SCOC: variants seen among roughly 807,000 people sequenced by gnomAD.
The protein encoded by SCOC is short coiled-coil protein, also known as short coiled coil protein.
SCOC carries 7 observed loss-of-function variants against 9.9 expected under a neutral mutation model. The ratio of observed to expected loss-of-function variants is 0.71; its 90% CI spans 0.40 to 1.33. SCOC has a LOEUF of 1.33. SCOC is among the 40% of genes most tolerant of loss of function. SCOC has a pLI of 0.01. For synonymous variants in SCOC, 19 were observed against 28.2 expected (o/e 0.67, Z 1.03); for missense variants, 66 against 89.7 (o/e 0.74, Z 1.07).
chr4:140,359,288 G>A (rs1727362945), intron 2 of SCOC, among the ~76,000 whole-genome samples: 1 of 152,086 alleles, frequency 6.6e-6, no homozygotes, highest in Admixed American at 6.5e-5. Context: ...GTGGAAGCTG[G>A]CTGCTGGCTG....
intron 2 of SCOC, among the ~76,000 whole-genome samples, chr4:140,356,803 T>C (rs879802141): frequency 6.6e-6 from 1 of 152,184 alleles, no homozygotes; most frequent in Non-Finnish European, 1.5e-5. Context: ...TAGAGGGAGA[T>C]ATTTTGAGAC....
At chr4:140,343,431 G>T (rs1164605269), upstream of SCOC, 2 of 484,054 alleles carry the variant, frequency 4.1e-6, no homozygotes, top group Non-Finnish European at 7.6e-6. Context: ...TCATTAACTT[G>T]GGTCTCCTAC....
chr4:140,369,857 A>ATTTT (rs540817613), upstream of SCOC, among the ~76,000 whole-genome samples: 1 of 31,376 alleles, frequency 3.2e-5, no homozygotes, highest in African/African-American at 8.9e-5. Flanking sequence ...CAGAAGGGGG[A>ATTTT]TTTTTTTTTT....
At chr4:140,307,412 A>AAGAATC (rs1180213133) in intron 1 of SCOC, among the ~76,000 whole-genome samples, 2 of 152,192 alleles carry the variant, frequency 1.3e-5, no homozygotes, top group Non-Finnish European at 2.9e-5. Flanking sequence ...TAGCTCAGTG[A>AAGAATC]AGAATCAGCA....
At chr4:140,309,606 T>C (rs1341643696) in intron 1 of SCOC, among the ~76,000 whole-genome samples, 1 of 152,206 alleles carries the variant, frequency 6.6e-6, no homozygotes, top group African/African-American at 2.4e-5. Context: ...AAGATTCAAA[T>C]AGATATATCC....
chr4:140,332,267 A>C (rs1183537075), intron 1 of SCOC, among the ~76,000 whole-genome samples: 1 of 149,944 alleles, frequency 6.7e-6, no homozygotes, highest in Non-Finnish European at 1.5e-5. Context: ...TCAAACTCTT[A>C]AGTTTCTCCT....
chr4:140,287,821 C>T (rs559038580), intron 1 of SCOC, among the ~76,000 whole-genome samples: 137 of 152,170 alleles, frequency 9.0e-4, no homozygotes, highest in African/African-American at 3.1e-3. Context: ...ATACCACACA[C>T]ATAGACACAC....
At chr4:140,308,879 CT>C (rs886830867) in intron 1 of SCOC, among the ~76,000 whole-genome samples, 56 of 152,224 alleles carry the variant, frequency 3.7e-4, no homozygotes, top group Non-Finnish European at 7.6e-4. Context: ...GAGATGCCCT[CT>C]TTTTTCCCCC....
chr4:140,271,452 C>G (rs1730843231), intron 1 of SCOC, among the ~76,000 whole-genome samples: 1 of 152,174 alleles, frequency 6.6e-6, no homozygotes, highest in Admixed American at 6.5e-5. Context: ...GAGCTAAATG[C>G]ATCAGAAGCA....
At chr4:140,348,614 G>A (rs1726845919) in intron 2 of SCOC, among the ~76,000 whole-genome samples, 1 of 151,318 alleles carries the variant, frequency 6.6e-6, no homozygotes, top group African/African-American at 2.4e-5. Context: ...TTATTCATCT[G>A]TCGACAGACA....
intron 1 of SCOC, among the ~76,000 whole-genome samples, chr4:140,299,869 C>CGGG (rs1731762711): frequency 6.6e-6 from 1 of 152,172 alleles, no homozygotes; most frequent in Non-Finnish European, 1.5e-5. Context: ...CTTCACAGTC[C>CGGG]TTTGTTCTCC....
upstream of SCOC, among the ~76,000 whole-genome samples, chr4:140,369,898 G>A (rs1312736007): frequency 1.9e-5 from 1 of 53,596 alleles, no homozygotes; most frequent in African/African-American, 6.9e-5. Context: ...TTTTTTTTTA[G>A]ATGGAGTTTC....
At chr4:140,285,533 G>A (rs1731241569) in intron 1 of SCOC, among the ~76,000 whole-genome samples, 1 of 152,192 alleles carries the variant, frequency 6.6e-6, no homozygotes, top group Non-Finnish European at 1.5e-5. Flanking sequence ...GGATGGGGTG[G>A]TAAAAAGCTA....
upstream of SCOC, among the ~76,000 whole-genome samples, chr4:140,369,939 C>T (rs1188850050): frequency 1.5e-5 from 2 of 131,994 alleles, no homozygotes; most frequent in Non-Finnish European, 3.1e-5. Flanking sequence ...AGTGCAATGG[C>T]GCCATCTCAG....
At chr4:140,297,221 G>A (rs1731667270) in intron 1 of SCOC, among the ~76,000 whole-genome samples, 1 of 151,734 alleles carries the variant, frequency 6.6e-6, no homozygotes. Context: ...AAGGTCTTTG[G>A]AGAGGCGCGG....
chr4:140,365,615 C>T (rs1215306991), intron 2 of SCOC, among the ~76,000 whole-genome samples: 1 of 152,316 alleles, frequency 6.6e-6, no homozygotes, highest in Non-Finnish European at 1.5e-5. Flanking sequence ...TTTTTCTCCT[C>T]CATCTCTTCT....
chr4:140,264,383 GA>G (rs1290630510), intron 1 of SCOC, among the ~76,000 whole-genome samples: 13 of 152,110 alleles, frequency 8.5e-5, no homozygotes, highest in Non-Finnish European at 1.5e-5. Context: ...GTGACCTTAG[GA>G]AGTTACTTTA....
chr4:140,300,838 CAAGT>C (rs1228482798), intron 1 of SCOC, among the ~76,000 whole-genome samples: 1 of 152,166 alleles, frequency 6.6e-6, no homozygotes, highest in Non-Finnish European at 1.5e-5. Flanking sequence ...TTCCTGCCTT[CAAGT>C]ACAACATGTG....
At chr4:140,366,659 C>T in intron 2 of SCOC, 6 of 1,601,994 alleles carry the variant, frequency 3.7e-6, no homozygotes, top group South Asian at 2.2e-5. Context: ...TTCTGGTGGG[C>T]TCTGTGTGGA....
Sources: gnomAD v4.1 joint callset for allele counts (sites outside exome capture counted in the v4.1 genomes callset) on GRCh38, gnomAD v4.1.1 for gene constraint, MANE v1.5 for transcripts, NCBI Gene and HGNC (gene_info 2026-07-23, HGNC 2026-07-21) for gene names.